The following SLC24A2 variants were observed in gnomAD, a reference collection of about 807,000 sequenced individuals.
The protein encoded by SLC24A2 is sodium/potassium/calcium exchanger 2.
A neutral mutation model predicts 62.0 loss-of-function variants in SLC24A2; 36 were observed. The observed-to-expected ratio is 0.58, with a 90% CI of 0.44 to 0.77. SLC24A2 has a LOEUF of 0.77. Among genes scored for constraint, SLC24A2 ranks in the 30% least tolerant of loss-of-function variants. SLC24A2 has a pLI of 0.00. For synonymous variants in SLC24A2, 358 were observed against 294.0 expected (o/e 1.22, Z -2.23); for missense variants, 846 against 817.9 (o/e 1.03, Z -0.42).
chr9:19,809,225 A>T, the SLC24A2 span, among the ~76,000 whole-genome samples: 1 of 152,144 alleles, frequency 6.6e-6, no homozygotes, highest in Non-Finnish European at 1.5e-5. Context: ...ATATCTATGT[A>T]TTTTTTAAAA....
At chr9:19,726,345 T>C (rs1455844464) in intron 2 of SLC24A2, among the ~76,000 whole-genome samples, 2 of 152,252 alleles carry the variant, frequency 1.3e-5, no homozygotes, top group Non-Finnish European at 2.9e-5. Flanking sequence ...TCAGGTTCTA[T>C]AAACTCTAGT....
chr9:20,019,783 C>T, the SLC24A2 span, among the ~76,000 whole-genome samples: 2 of 151,324 alleles, frequency 1.3e-5, no homozygotes, highest in South Asian at 4.2e-4. Context: ...AGTGAACAGG[C>T]AACCTACAGA....
chr9:20,274,394 A>G, the SLC24A2 span, among the ~76,000 whole-genome samples: 1 of 152,174 alleles, frequency 6.6e-6, no homozygotes, highest in South Asian at 2.1e-4. Flanking sequence ...ATTCTAAATA[A>G]GATAAGAATT....
the SLC24A2 span, among the ~76,000 whole-genome samples, chr9:20,030,046 C>T: frequency 7.4e-4 from 113 of 152,082 alleles, no homozygotes; most frequent in Non-Finnish European, 1.5e-3. Context: ...AAAAGTTTAC[C>T]GCATTAGAAA....
At chr9:19,956,306 C>A in the SLC24A2 span, among the ~76,000 whole-genome samples, 2,167 of 152,242 alleles carry the variant, frequency 0.014, 59 homozygotes, top group African/African-American at 0.05. Flanking sequence ...ACAATGATAG[C>A]GCTACAGGCA....
At chr9:19,642,852 T>G (rs550158124) in intron 2 of SLC24A2, among the ~76,000 whole-genome samples, 1 of 151,572 alleles carries the variant, frequency 6.6e-6, no homozygotes, top group East Asian at 1.9e-4. Flanking sequence ...AGCTAATTTT[T>G]TGTATTTTTA....
chr9:20,169,419 A>C, the SLC24A2 span, among the ~76,000 whole-genome samples: 1 of 152,014 alleles, frequency 6.6e-6, no homozygotes, highest in African/African-American at 2.4e-5. Flanking sequence ...CTCTGAAGGA[A>C]GTGGATTGCT....
chr9:19,734,382 T>C (rs1469184067), intron 2 of SLC24A2, among the ~76,000 whole-genome samples: 1 of 152,180 alleles, frequency 6.6e-6, no homozygotes, highest in African/African-American at 2.4e-5. Context: ...CTTTTTTGGT[T>C]CCATATGAAC....
chr9:20,307,403 T>C, the SLC24A2 span, among the ~76,000 whole-genome samples: 7 of 152,218 alleles, frequency 4.6e-5, no homozygotes, highest in African/African-American at 9.7e-5. Context: ...TGCTGCGACT[T>C]TGTCCTCCTG....
chr9:20,161,268 G>C, the SLC24A2 span, among the ~76,000 whole-genome samples: 1 of 151,338 alleles, frequency 6.6e-6, no homozygotes, highest in African/African-American at 2.4e-5. Flanking sequence ...AAAATCACCA[G>C]GCTCAGGTGC....
intron 2 of SLC24A2, among the ~76,000 whole-genome samples, chr9:19,671,674 T>C (rs1819420365): frequency 6.6e-6 from 1 of 152,188 alleles, no homozygotes; most frequent in Non-Finnish European, 1.5e-5. Context: ...TCTTTCAGTA[T>C]TAGGTTGGCT....
At chr9:19,602,763 A>G (rs1490910780) in intron 4 of SLC24A2, among the ~76,000 whole-genome samples, 2 of 152,190 alleles carry the variant, frequency 1.3e-5, no homozygotes, top group Non-Finnish European at 2.9e-5. Flanking sequence ...AGCTACTCTG[A>G]ACTTCAATGT....
chr9:19,547,233 CAG>C (rs1834626208), intron 8 of SLC24A2, among the ~76,000 whole-genome samples: 1 of 152,168 alleles, frequency 6.6e-6, no homozygotes, highest in South Asian at 2.1e-4. Context: ...ACAGAGTACT[CAG>C]AAAAACAAAA....
At chr9:19,742,707 C>G (rs913629714) in intron 2 of SLC24A2, among the ~76,000 whole-genome samples, 1 of 152,162 alleles carries the variant, frequency 6.6e-6, no homozygotes, top group African/African-American at 2.4e-5. Context: ...TTAGAACATG[C>G]CTTCTTCAGG....
the SLC24A2 span, among the ~76,000 whole-genome samples, chr9:20,224,778 C>T: frequency 6.6e-6 from 1 of 152,006 alleles, no homozygotes. Flanking sequence ...GCTGTTGGGG[C>T]CCTGCCCAGA....
chr9:19,703,945 G>T (rs539951245), intron 2 of SLC24A2, among the ~76,000 whole-genome samples: 27 of 152,276 alleles, frequency 1.8e-4, no homozygotes, highest in Middle Eastern at 6.8e-3. Flanking sequence ...AATAATGATG[G>T]ATATATGCTA....
chr9:19,824,479 C>T, the SLC24A2 span, among the ~76,000 whole-genome samples: 4 of 152,294 alleles, frequency 2.6e-5, no homozygotes, highest in African/African-American at 9.6e-5. Context: ...GATACCATCT[C>T]ATGTCAGTTA....
the SLC24A2 span, among the ~76,000 whole-genome samples, chr9:20,049,745 C>A: frequency 6.6e-6 from 1 of 150,940 alleles, no homozygotes; most frequent in African/African-American, 2.4e-5. Flanking sequence ...AAAGGTTTAG[C>A]AACATCAGGA....
the SLC24A2 span, among the ~76,000 whole-genome samples, chr9:20,106,637 A>C: frequency 2.0e-5 from 3 of 152,210 alleles, no homozygotes; most frequent in Non-Finnish European, 2.9e-5. Flanking sequence ...GGCCTTTGAC[A>C]AAATTCAACA....
Sources: allele counts gnomAD v4.1 joint callset (sites outside exome capture counted in the v4.1 genomes callset), GRCh38; gene constraint gnomAD v4.1.1; transcripts MANE v1.5; gene names NCBI Gene and HGNC (gene_info 2026-07-23, HGNC 2026-07-21).